Variants in MYH10 observed in about 807,000 individuals in gnomAD.
The protein encoded by MYH10 is myosin-10.
Under a neutral mutation model 257.8 loss-of-function variants are expected in MYH10, and 55 were observed. The observed-to-expected ratio is 0.21, with a 90% confidence interval of 0.17 to 0.27. MYH10 has a LOEUF of 0.27. Among genes scored for constraint, MYH10 ranks in the 10% least tolerant of loss-of-function variants. MYH10 has a pLI of 1.00. For synonymous variants in MYH10, 854 were observed against 921.7 expected (o/e 0.93, Z 1.33); for missense variants, 1,631 against 2,500.6 (o/e 0.65, Z 7.42).
At chr17:8,548,872 C>A in intron 9 of MYH10, 85 bp from the exon 10 acceptor site, 1 of 1,216,268 alleles carries the variant, frequency 8.2e-7, no homozygotes, top group South Asian at 1.4e-5. Flanking sequence ...GTGCCAGTGT[C>A]ACAGGAGAGC....
At chr17:8,572,232 G>C (rs1450326686) in intron 6 of MYH10, among the ~76,000 whole-genome samples, 7 of 86,352 alleles carry the variant, frequency 8.1e-5, no homozygotes, top group African/African-American at 2.0e-4. Flanking sequence ...TCCTCTCTGT[G>C]TGTGTGTGTG....
intron 2 of MYH10, 59 bp from the exon 3 acceptor site, chr17:8,605,041 T>C (rs2084746129): frequency 1.1e-6 from 1 of 917,872 alleles, no homozygotes; most frequent in Non-Finnish European, 1.5e-6. Context: ...TCAATCAGGG[T>C]CCAATCAGGA....
chr17:8,571,614 T>C (rs1029315336), intron 6 of MYH10, among the ~76,000 whole-genome samples: 13 of 151,346 alleles, frequency 8.6e-5, no homozygotes, highest in Admixed American at 5.9e-4. Context: ...AACCTGTCTC[T>C]ACTAAAAATA....
chr17:8,532,643 AG>A (rs2082035765), intron 16 of MYH10, among the ~76,000 whole-genome samples: 1 of 152,208 alleles, frequency 6.6e-6, no homozygotes, highest in African/African-American at 2.4e-5. Context: ...GGGGCTGGTG[AG>A]ACCTTAAATT....
intron 7 of MYH10, among the ~76,000 whole-genome samples, chr17:8,566,295 C>T (rs755884971): frequency 1.4e-4 from 22 of 152,202 alleles, no homozygotes; most frequent in Non-Finnish European, 3.1e-4. Flanking sequence ...CAATGATCCC[C>T]ACCTCTGGTA....
chr17:8,489,746 C>CCA (rs1555570912), intron 35 of MYH10, among the ~76,000 whole-genome samples: 1 of 149,558 alleles, frequency 6.7e-6, no homozygotes, highest in African/African-American at 2.5e-5. Flanking sequence ...CACACACACA[C>CCA]CCCAAATCCA....
intron 2 of MYH10, among the ~76,000 whole-genome samples, chr17:8,609,899 C>G (rs2084958881): frequency 1.3e-5 from 2 of 150,844 alleles, no homozygotes; most frequent in African/African-American, 4.9e-5. Flanking sequence ...CAAAAACACT[C>G]TGTAAAAAAA....
At chr17:8,478,589 T>C (rs1335529769) in intron 40 of MYH10, 143 bp from the exon 41 acceptor site, 2 of 712,074 alleles carry the variant, frequency 2.8e-6, no homozygotes, top group Non-Finnish European at 4.7e-6. Context: ...TCATGACTAA[T>C]GTGCTGAAAC....
chr17:8,604,351 T>C (rs2084718917), intron 3 of MYH10, among the ~76,000 whole-genome samples: 1 of 152,240 alleles, frequency 6.6e-6, no homozygotes, highest in South Asian at 2.1e-4. Flanking sequence ...TTTATATTCA[T>C]TCTGATCCAA....
At position 8,552,651 on chromosome 17, in the gene MYH10, T is replaced by A. The variant is rs984091134; in HGVS notation, c.821-507A>T. 6.6e-6 allele frequency among the ~76,000 whole-genome samples: 1 copy of A among 152,222 alleles called. No individual in the cohort carries two copies. Among genetic ancestry groups the A allele is most frequent in the African/African-American group, 2.4e-5 (1 of 41,446 alleles). ...CTTGGCTTGACTCCAAAATGCATGA[T>A]GAGAGTGCCCACAATGCTACCCTAT... On this transcript the variant is annotated intron_variant, in intron 8 of 42. Coordinates refer to ENST00000360416, the MANE Select transcript of MYH10 (RefSeq NM_001256012.3). The surrounding 1 kb of genome is among the most constrained non-coding windows in gnomAD (Gnocchi z 4.8).
intron 11 of MYH10, 121 bp downstream of exon 11, chr17:8,548,192 C>T: frequency 3.1e-6 from 2 of 647,138 alleles, no homozygotes; most frequent in Non-Finnish European, 2.7e-6. Flanking sequence ...GATGTTGTCA[C>T]TCTACTCAAG....
Position 8,520,877 on chromosome 17 carries a change from CCT to C in MYH10, c.2272_2273del (p.Arg758IlefsTer2), listed in dbSNP as rs747473876. ...GCAAAAAAAGTAAAAGTTAGCAATA[CCT>C]CTGTCTGAATTCCTGGAAAACTATT... Reference protein sequence around the residue: ...NRIVFQEFRQRYEILTPNAIP... With the variant: ...NRIVFQEFRQXYEILTPNAIP... On this transcript the variant is annotated frameshift_variant and splice_region_variant, in exon 19 of 43. Transcript: ENST00000360416. LOFTEE classifies it high-confidence loss of function. 1 of 1,606,598 alleles carries C rather than the reference CCT, an allele frequency of 6.2e-7. No individual in the cohort carries two copies.
chr17:8,504,177 A>C lies in MYH10; in HGVS notation c.3599+517T>G, dbSNP rs78855564. On this transcript the variant is annotated intron_variant, in intron 28 of 42. Coordinates refer to ENST00000360416, the MANE Select transcript of MYH10 (RefSeq NM_001256012.3). The surrounding 1 kb of genome is among the most constrained non-coding windows in gnomAD (Gnocchi z 5.6). ...CCTGGCTGCTGGCTCATGATGCTGC[A>C]TATGCCTCTGCCCACTGCACACTCT... is the stretch of plus-strand genomic sequence containing the variant. Among the ~76,000 whole-genome samples, 6 of 152,210 alleles carry C rather than the reference A, an allele frequency of 3.9e-5. No homozygotes were observed. In the East Asian group the frequency reaches 1.2e-3, roughly 29 times the overall value.
intron 7 of MYH10, among the ~76,000 whole-genome samples, chr17:8,568,156 G>A (rs12600803): frequency 0.51 from 77,433 of 151,896 alleles, 20,545 homozygotes; most frequent in Middle Eastern, 0.62. Flanking sequence ...ACCAACTCTC[G>A]TCTCTCGTGG....
chr17:8,541,498 A>C (rs2082286764), intron 14 of MYH10, among the ~76,000 whole-genome samples: 1 of 152,222 alleles, frequency 6.6e-6, no homozygotes, highest in Non-Finnish European at 1.5e-5. Flanking sequence ...CATGGAGCTG[A>C]GTTCCAAAAG....
intron 2 of MYH10, among the ~76,000 whole-genome samples, chr17:8,621,391 C>A (rs932787936): frequency 6.6e-6 from 1 of 151,986 alleles, no homozygotes; most frequent in Non-Finnish European, 1.5e-5. Flanking sequence ...TCCTACCGAA[C>A]GAGGACTCCA....
rs2151965622 is a variant in MYH10 at position 8,552,668 on chromosome 17, C to T, written c.821-524G>A. On this transcript the variant is annotated intron_variant, in intron 8 of 42. Coordinates refer to ENST00000360416, the MANE Select transcript of MYH10 (RefSeq NM_001256012.3). The surrounding 1 kb of genome is among the most constrained non-coding windows in gnomAD (Gnocchi z 4.8). The stretch of plus-strand genomic sequence containing the variant: ...ATGCATGATGAGAGTGCCCACAATG[C>T]TACCCTATTGAAAGCCTCCTATATG... 6.6e-6 allele frequency among the ~76,000 whole-genome samples: 1 copy of T among 152,328 alleles called. No homozygotes were observed. Among genetic ancestry groups the T allele is most frequent in the Non-Finnish European group, 1.5e-5 (1 of 68,026 alleles).
intron 38 of MYH10, among the ~76,000 whole-genome samples, chr17:8,480,783 C>T (rs1474002964): frequency 6.6e-6 from 1 of 152,126 alleles, no homozygotes; most frequent in Admixed American, 6.5e-5. Flanking sequence ...GCTGCCCTGC[C>T]TGCCTCTCTC....
intron 33 of MYH10, 113 bp from the exon 34 acceptor site, chr17:8,492,622 T>C: frequency 8.0e-7 from 1 of 1,244,004 alleles, no homozygotes; most frequent in South Asian, 1.6e-5. Flanking sequence ...TATGGTGTTC[T>C]TGTATTTCCT....
Sources: gnomAD v4.1 joint callset for allele counts (sites outside exome capture counted in the v4.1 genomes callset) on GRCh38, gnomAD v4.1.1 for gene constraint, Gnocchi (gnomAD v3.1) non-coding constraint, MANE v1.5 for transcripts, NCBI Gene and HGNC (gene_info 2026-07-23, HGNC 2026-07-21) for gene names.